Variants in SPAG16 observed in about 807,000 individuals in gnomAD.
SPAG16 encodes the protein sperm-associated antigen 16 protein.
Under a neutral mutation model 80.4 loss-of-function variants are expected in SPAG16, and 86 were observed. That is an observed-to-expected ratio of 1.07 (90% confidence interval 0.90 to 1.28). SPAG16 has a LOEUF of 1.28. SPAG16 is among the 50% of genes most tolerant of loss of function. The pLI is 0.00. For missense variants in SPAG16, 870 were observed against 765.3 expected (o/e 1.14, Z -1.61); for synonymous variants, 294 against 265.9 (o/e 1.11, Z -1.03).
chr2:214,402,938 C>T (rs1701793548), intron 15 of SPAG16, among the ~76,000 whole-genome samples: 1 of 151,540 alleles, frequency 6.6e-6, no homozygotes, highest in African/African-American at 2.4e-5. Flanking sequence ...ACACTGGAAA[C>T]TGGAGTGGCA....
intron 10 of SPAG16, among the ~76,000 whole-genome samples, chr2:213,605,543 G>A (rs1321876603): frequency 6.6e-6 from 1 of 152,116 alleles, no homozygotes; most frequent in East Asian, 1.9e-4. Flanking sequence ...GGGCTAGTGT[G>A]CAATGGCCCG....
At position 214,026,781 on chromosome 2, in the gene SPAG16, C is replaced by T. The variant is rs185908174; in HGVS notation, c.1527+12704C>T. 2.6e-4 allele frequency among the ~76,000 whole-genome samples: 40 copies of T among 151,162 alleles called. No individual in the cohort carries two copies. The East Asian group carries it at 6.8e-3, about 26-fold the overall frequency. ...GTAGAACTGAAGAAAGATTGATAAC[C>T]CAATCAATGAAATAGAAGTTAGAGC... On this transcript the variant is annotated intron_variant, in intron 13 of 15. Coordinates refer to ENST00000331683, the MANE Select transcript of SPAG16 (RefSeq NM_024532.5).
chr2:213,682,295 C>T (rs2064431381), intron 10 of SPAG16, among the ~76,000 whole-genome samples: 2 of 152,282 alleles, frequency 1.3e-5, no homozygotes, highest in Non-Finnish European at 2.9e-5. Flanking sequence ...TTGTTGTTTT[C>T]CAAACCAGAT....
intron 15 of SPAG16, among the ~76,000 whole-genome samples, chr2:214,379,408 A>G (rs957358775): frequency 6.6e-6 from 1 of 152,232 alleles, no homozygotes; most frequent in Non-Finnish European, 1.5e-5. Context: ...TATTAGCCTT[A>G]GGGAAATATG....
At chr2:214,200,820 A>G (rs952376423) in intron 15 of SPAG16, among the ~76,000 whole-genome samples, 3 of 152,216 alleles carry the variant, frequency 2.0e-5, no homozygotes, top group Non-Finnish European at 4.4e-5. Context: ...CACAGACAAT[A>G]TTACTTAACA....
At chr2:214,169,422 C>T (rs920053753) in intron 15 of SPAG16, among the ~76,000 whole-genome samples, 49 of 151,934 alleles carry the variant, frequency 3.2e-4, no homozygotes, top group African/African-American at 1.1e-3. Context: ...TCCCCAAAGC[C>T]GGTCAGTACT....
intron 2 of SPAG16, among the ~76,000 whole-genome samples, 196 bp downstream of exon 2, chr2:213,296,306 T>C (rs143892007): frequency 6.6e-6 from 1 of 152,144 alleles, no homozygotes; most frequent in South Asian, 2.1e-4. Context: ...AATTGGAAAA[T>C]ACATCTGATT....
intron 15 of SPAG16, among the ~76,000 whole-genome samples, chr2:214,345,429 G>C (rs1697992640): frequency 1.3e-5 from 2 of 152,008 alleles, no homozygotes; most frequent in African/African-American, 4.8e-5. Context: ...CTTCCCCACT[G>C]TCTTTGCCTT....
chr2:214,252,985 C>T (rs973344184), intron 15 of SPAG16, among the ~76,000 whole-genome samples: 6 of 151,910 alleles, frequency 3.9e-5, no homozygotes, highest in Non-Finnish European at 5.9e-5. Context: ...TAATGATTGC[C>T]GTTCTAAGTG....
At chr2:214,397,146 T>A (rs1701439537) in intron 15 of SPAG16, among the ~76,000 whole-genome samples, 1 of 144,008 alleles carries the variant, frequency 6.9e-6, no homozygotes, top group East Asian at 2.1e-4. Context: ...TTTATATAAA[T>A]TTTTTAATTT....
intron 15 of SPAG16, among the ~76,000 whole-genome samples, chr2:214,289,667 T>A (rs1003524562): frequency 2.0e-5 from 3 of 152,198 alleles, no homozygotes; most frequent in African/African-American, 7.2e-5. Context: ...TAGTGTGAAG[T>A]CTTCAGCTTT....
intron 10 of SPAG16, among the ~76,000 whole-genome samples, chr2:213,667,530 G>A (rs1019823025): frequency 2.6e-5 from 4 of 152,148 alleles, no homozygotes; most frequent in East Asian, 3.8e-4. Context: ...TAGGAAAATT[G>A]TGTTTTAAGT....
chr2:214,107,556 C>A (rs142422878), intron 13 of SPAG16, among the ~76,000 whole-genome samples: 23 of 152,072 alleles, frequency 1.5e-4, no homozygotes, highest in Non-Finnish European at 2.8e-4. Context: ...CCATCTTTCC[C>A]GGAAACATTT....
rs578096713 is a variant in SPAG16, at chr2:213,847,239, G to A, written c.1071-15246G>A. ...TTAAGCATATTCACAGGTTCCAGAGGTTTTGGCATGGACATTGTGTTATGC... is the reference window on the plus strand; with the variant it reads ...TTAAGCATATTCACAGGTTCCAGAGATTTTGGCATGGACATTGTGTTATGC... On this transcript the variant is annotated intron_variant, in intron 10 of 15. Coordinates refer to ENST00000331683, the MANE Select transcript of SPAG16 (RefSeq NM_024532.5). Among the ~76,000 whole-genome samples, 3 of 152,232 alleles carry A rather than the reference G, an allele frequency of 2.0e-5. No homozygotes were observed. In the East Asian group the frequency reaches 5.8e-4, roughly 29 times the overall value.
chr2:213,772,750 T>C (rs554356585), intron 10 of SPAG16, among the ~76,000 whole-genome samples: 49 of 152,250 alleles, frequency 3.2e-4, no homozygotes, highest in African/African-American at 1.2e-3. Context: ...TCTATTTCTA[T>C]AAAAAAGCCT....
chr2:214,344,968 T>C (rs1332736153), intron 15 of SPAG16, among the ~76,000 whole-genome samples: 1 of 152,156 alleles, frequency 6.6e-6, no homozygotes, highest in African/African-American at 2.4e-5. Flanking sequence ...TTCTCAGATA[T>C]ATATTTATTC....
intron 10 of SPAG16, among the ~76,000 whole-genome samples, chr2:213,665,679 T>C (rs1046766012): frequency 1.3e-5 from 2 of 152,210 alleles, no homozygotes; most frequent in Non-Finnish European, 2.9e-5. Context: ...CCTTGTTTTA[T>C]GTGTGTTTAT....
At chr2:213,545,236 T>G (rs2076575674) in intron 10 of SPAG16, among the ~76,000 whole-genome samples, 1 of 152,208 alleles carries the variant, frequency 6.6e-6, no homozygotes, top group Non-Finnish European at 1.5e-5. Flanking sequence ...GAACATCATT[T>G]CATTTGCTTA....
At chr2:214,279,163 C>T (rs923424695) in intron 15 of SPAG16, among the ~76,000 whole-genome samples, 8 of 146,486 alleles carry the variant, frequency 5.5e-5, no homozygotes, top group Admixed American at 3.5e-4. Context: ...GTGGCACGAT[C>T]TCAGCTCACT....
Sources: allele counts gnomAD v4.1 joint callset (sites outside exome capture counted in the v4.1 genomes callset), GRCh38; gene constraint gnomAD v4.1.1; transcripts MANE v1.5; gene names NCBI Gene and HGNC (gene_info 2026-07-23, HGNC 2026-07-21).